The following RBFOX1 variants were observed in gnomAD, a reference collection of about 807,000 sequenced individuals.
The protein encoded by RBFOX1 is RNA binding protein fox-1 homolog 1.
Under a neutral mutation model 57.7 loss-of-function variants are expected in RBFOX1, and 8 were observed. The observed-to-expected ratio is 0.14, with a 90% CI of 0.08 to 0.25. RBFOX1 has a LOEUF of 0.25. RBFOX1 is among the 10% of genes least tolerant of loss of function. The pLI, the probability that RBFOX1 is intolerant of heterozygous loss-of-function variation, is 1.00. For synonymous variants in RBFOX1, 326 were observed against 222.4 expected, an observed-to-expected ratio of 1.47 and a Z score of -4.15; for missense variants, 611 against 548.5, an observed-to-expected ratio of 1.11 and a Z score of -1.14.
At chr16:7,212,818 C>T (rs1304949358) in intron 4 of RBFOX1, among the ~76,000 whole-genome samples, 1 of 152,144 alleles carries the variant, frequency 6.6e-6, no homozygotes, top group East Asian at 1.9e-4. Flanking sequence ...GCACATGTAT[C>T]CCAGAACTTA....
At chr16:5,886,668 A>G (rs1208568318) in intron 4 of RBFOX1, among the ~76,000 whole-genome samples, 1 of 152,214 alleles carries the variant, frequency 6.6e-6, no homozygotes, top group East Asian at 1.9e-4. Flanking sequence ...CAGGCAGATC[A>G]TCTGAGGTCA....
chr16:5,650,276 C>T (rs1377698465), intron 3 of RBFOX1, among the ~76,000 whole-genome samples: 1 of 151,852 alleles, frequency 6.6e-6, no homozygotes, highest in South Asian at 2.1e-4. Context: ...TGAAGTGCCC[C>T]TTTCTGGGCT....
intron 10 of RBFOX1, among the ~76,000 whole-genome samples, chr16:7,623,114 C>G (rs1260642642): frequency 6.6e-6 from 1 of 152,216 alleles, no homozygotes; most frequent in East Asian, 1.9e-4. Context: ...TTGTAGGGGA[C>G]TCTCATTATA....
chr16:7,007,842 G>C (rs771193930), intron 3 of RBFOX1, among the ~76,000 whole-genome samples: 8 of 152,178 alleles, frequency 5.3e-5, no homozygotes, highest in Non-Finnish European at 7.3e-5. Flanking sequence ...AGCCCACCTA[G>C]TGGACACCTC....
At chr16:5,593,026 T>A (rs1400670727) in intron 2 of RBFOX1, among the ~76,000 whole-genome samples, 1 of 152,084 alleles carries the variant, frequency 6.6e-6, no homozygotes, top group Non-Finnish European at 1.5e-5. Flanking sequence ...AGATAGGAAG[T>A]CAGCACCAAA....
chr16:6,612,505 T>A (rs1324228932), intron 2 of RBFOX1, among the ~76,000 whole-genome samples: 1 of 152,182 alleles, frequency 6.6e-6, no homozygotes, highest in Admixed American at 6.5e-5. Context: ...GCAGTTGGAA[T>A]TGGATGGTGA....
At chr16:6,762,998 A>C (rs769828960) in intron 3 of RBFOX1, among the ~76,000 whole-genome samples, 2 of 150,484 alleles carry the variant, frequency 1.3e-5, no homozygotes, top group Non-Finnish European at 3.0e-5. Flanking sequence ...TGCCCAGTGC[A>C]AATAGGAACA....
chr16:6,963,752 G>A (rs1297356882), intron 3 of RBFOX1, among the ~76,000 whole-genome samples: 1 of 152,054 alleles, frequency 6.6e-6, no homozygotes, highest in African/African-American at 2.4e-5. Flanking sequence ...AGGCTGGAGT[G>A]CATTGGCGCG....
intron 12 of RBFOX1, among the ~76,000 whole-genome samples, chr16:7,664,387 T>C (rs1475257444): frequency 6.6e-6 from 1 of 152,142 alleles, no homozygotes; most frequent in Admixed American, 6.5e-5. Flanking sequence ...TTACCAAATA[T>C]AATACAATGT....
rs202195919 is a variant in RBFOX1 at position 5,423,003 on chromosome 16, AAGG to A, written c.220-44207_220-44205del. On this transcript the variant is annotated intron_variant, in intron 1 of 2. Transcript: ENST00000585867. ...GAGTGGGGAGAGGGAGGAGGGGAGG[AAGG>A]AGGAGAAAGGAGAGGGAGGAAGGGG... Among the ~76,000 whole-genome samples the A allele has an allele frequency of 4.9e-3, 360 of 73,008 alleles. 4 individuals carry two copies. The highest frequency in any genetic ancestry group is 0.019 in the African/African-American group (337 of 18,012). The allele number at this position is 73,008 out of a possible 152,430, so 47.9% of individuals were successfully genotyped here.
chr16:6,624,305 A>G (rs1032763373), intron 2 of RBFOX1, among the ~76,000 whole-genome samples: 8 of 152,158 alleles, frequency 5.3e-5, no homozygotes, highest in African/African-American at 1.9e-4. Context: ...GTCTGTTTTT[A>G]GAGTTGTTTA....
intron 1 of RBFOX1, among the ~76,000 whole-genome samples, chr16:6,207,637 C>T (rs923278735): frequency 1.3e-5 from 2 of 152,040 alleles, no homozygotes; most frequent in African/African-American, 4.8e-5. Flanking sequence ...ATAATAATGC[C>T]CTTCCCATTT....
At chr16:7,460,016 T>C (rs1184795143) in intron 4 of RBFOX1, among the ~76,000 whole-genome samples, 1 of 152,158 alleles carries the variant, frequency 6.6e-6, no homozygotes, top group African/African-American at 2.4e-5. Context: ...ACAGGTATGA[T>C]TTCACAAGAA....
At chr16:5,523,441 C>G (rs112633980) in intron 2 of RBFOX1, among the ~76,000 whole-genome samples, 1 of 151,190 alleles carries the variant, frequency 6.6e-6, no homozygotes, top group South Asian at 2.1e-4. Context: ...ATGGTGAAAC[C>G]CTGTCTTTAC....
intron 1 of RBFOX1, among the ~76,000 whole-genome samples, chr16:5,439,847 C>T (rs1281188710): frequency 3.9e-5 from 6 of 152,114 alleles, no homozygotes; most frequent in African/African-American, 9.7e-5. Context: ...CTTCACATGG[C>T]AGCAGGTGAG....
intron 3 of RBFOX1, among the ~76,000 whole-genome samples, chr16:6,671,710 C>T (rs560978773): frequency 6.6e-6 from 1 of 152,254 alleles, no homozygotes; most frequent in African/African-American, 2.4e-5. Flanking sequence ...TGAGGACATA[C>T]GATGTTTGGT....
At position 6,891,955 on chromosome 16, in the gene RBFOX1, G is replaced by T. The variant is rs138797507; in HGVS notation, c.-15-160102G>T. Among the ~76,000 whole-genome samples the T allele has an allele frequency of 9.1e-4, 139 of 152,234 alleles. 1 individual carries two copies. The highest frequency in any genetic ancestry group is 3.3e-3 in the African/African-American group (137 of 41,556). On this transcript the variant is annotated intron_variant, in intron 3 of 15. Coordinates refer to ENST00000550418, the MANE Select transcript of RBFOX1 (RefSeq NM_018723.4). ...GTTTTCTGAGAAGGAGCTGTGGCTG[G>T]TTGTATTAACATTTGCATTTTGATC...
chr16:5,661,596 G>A (rs2049652426), intron 3 of RBFOX1, among the ~76,000 whole-genome samples: 1 of 152,184 alleles, frequency 6.6e-6, no homozygotes, highest in Non-Finnish European at 1.5e-5. Context: ...ACGGTGTAAT[G>A]ATTTGATGTA....
chr16:5,937,561 A>G (rs1222554910), intron 4 of RBFOX1, among the ~76,000 whole-genome samples: 1 of 151,444 alleles, frequency 6.6e-6, no homozygotes, highest in Non-Finnish European at 1.5e-5. Context: ...ACTGTATGAT[A>G]TATAGTTGCT....
Sources: allele counts gnomAD v4.1 joint callset (sites outside exome capture counted in the v4.1 genomes callset), GRCh38; gene constraint gnomAD v4.1.1; transcripts MANE v1.5; gene names NCBI Gene and HGNC (gene_info 2026-07-23, HGNC 2026-07-21).